Variants in B3GLCT observed in about 807,000 individuals in gnomAD.
B3GLCT encodes the protein beta-1,3-glucosyltransferase.
B3GLCT carries 65 observed loss-of-function variants against 63.4 expected under a neutral mutation model. The observed-to-expected ratio is 1.03, with a 90% CI of 0.84 to 1.26. B3GLCT has a LOEUF of 1.26. B3GLCT is among the 50% of genes most tolerant of loss of function. The pLI, the probability that B3GLCT is intolerant of heterozygous loss-of-function variation, is 0.00. For synonymous variants in B3GLCT, 233 were observed against 219.2 expected, an observed-to-expected ratio of 1.06 and a Z score of -0.55; for missense variants, 577 against 604.8, an observed-to-expected ratio of 0.95 and a Z score of 0.48.
intron 4 of B3GLCT, among the ~76,000 whole-genome samples, chr13:31,230,611 T>C (rs1870328414): frequency 3.9e-5 from 6 of 152,226 alleles, no homozygotes; most frequent in Admixed American, 3.3e-4. Context: ...GTTCTCTGGG[T>C]TGCTCTGCTT....
intron 12 of B3GLCT, among the ~76,000 whole-genome samples, chr13:31,315,143 C>T (rs1050433775): frequency 6.6e-6 from 1 of 152,140 alleles, no homozygotes; most frequent in Non-Finnish European, 1.5e-5. Context: ...TAATGCATTA[C>T]ATTGGTACCA....
chr13:31,207,750 A>G (rs1869034025), intron 1 of B3GLCT, among the ~76,000 whole-genome samples: 1 of 152,346 alleles, frequency 6.6e-6, no homozygotes, highest in South Asian at 2.1e-4. Context: ...TAGTAGGCTC[A>G]AAGCAGGAAT....
intron 13 of B3GLCT, 30 bp from the exon 14 acceptor site, chr13:31,323,721 A>G: frequency 3.1e-6 from 5 of 1,613,836 alleles, no homozygotes; most frequent in Non-Finnish European, 4.2e-6. Flanking sequence ...GAGCTTCTCT[A>G]ACCCCTTTCT....
chr13:31,305,394 G>T (rs1874372275), intron 12 of B3GLCT, among the ~76,000 whole-genome samples: 1 of 92,474 alleles, frequency 1.1e-5, no homozygotes, highest in African/African-American at 3.8e-5. Context: ...CCAGGAGCTG[G>T]TTTTTTGAAA....
intron 8 of B3GLCT, among the ~76,000 whole-genome samples, chr13:31,269,874 G>A (rs1872506033): frequency 6.6e-6 from 1 of 152,164 alleles, no homozygotes; most frequent in South Asian, 2.1e-4. Context: ...CCAGTCCCTT[G>A]ATCTTAGACT....
intron 10 of B3GLCT, among the ~76,000 whole-genome samples, chr13:31,281,746 C>G (rs890929728): frequency 6.6e-6 from 1 of 152,188 alleles, no homozygotes; most frequent in Non-Finnish European, 1.5e-5. Context: ...CACACTGAGA[C>G]AAAAGGGCCA....
intron 1 of B3GLCT, among the ~76,000 whole-genome samples, chr13:31,209,374 G>T (rs147398089): frequency 6.6e-6 from 1 of 152,336 alleles, no homozygotes; most frequent in African/African-American, 2.4e-5. Flanking sequence ...AAGGCCCCCT[G>T]GAGGACCTGG....
Position 31,323,831 on chromosome 13 carries a change from T to C in B3GLCT, c.1265T>C (p.Met422Thr), listed in dbSNP as rs1384316422. The change falls in exon 14 of 15, where the codon ATG (methionine) becomes ACG (threonine). Residue 422 changes from methionine to threonine, a missense_variant. Coordinates refer to ENST00000343307, the MANE Select transcript of B3GLCT (RefSeq NM_194318.4). Reference protein sequence around the residue: ...RCYSNDAPDDMVLGMCFSGLG... With the variant: ...RCYSNDAPDDTVLGMCFSGLG... ...TACAGCAATGATGCTCCCGATGATATGGTCCTGGGAATGTGCTTTAGTGGC... is the reference window on the plus strand; with the variant it reads ...TACAGCAATGATGCTCCCGATGATACGGTCCTGGGAATGTGCTTTAGTGGC... 5.0e-6 allele frequency: 8 copies of C among 1,614,178 alleles called. No homozygotes were observed. Among genetic ancestry groups the C allele is most frequent in the African/African-American group, 1.3e-5 (1 of 75,052 alleles).
chr13:31,200,223 G>T, intron 1 of B3GLCT, 69 bp downstream of exon 1: 2 of 1,024,378 alleles, frequency 2.0e-6, no homozygotes, highest in East Asian at 5.3e-5. Context: ...CCCGTGCCCC[G>T]GTCGGCGCGG....
At chr13:31,256,739 A>G (rs563971956) in intron 6 of B3GLCT, among the ~76,000 whole-genome samples, 1 of 152,328 alleles carries the variant, frequency 6.6e-6, no homozygotes, top group Admixed American at 6.5e-5. Flanking sequence ...ACATGGACAC[A>G]GGGAGGGGAA....
At chr13:31,263,842 A>G (rs1872163152) in intron 7 of B3GLCT, among the ~76,000 whole-genome samples, 1 of 152,094 alleles carries the variant, frequency 6.6e-6, no homozygotes, top group Non-Finnish European at 1.5e-5. Flanking sequence ...GTTTAACCAT[A>G]TTTAGGAGTG....
intron 4 of B3GLCT, among the ~76,000 whole-genome samples, chr13:31,239,214 G>C (rs754458636): frequency 6.6e-6 from 1 of 152,188 alleles, no homozygotes; most frequent in Non-Finnish European, 1.5e-5. Context: ...GGTGAGAGTG[G>C]GGATGTGGCT....
intron 14 of B3GLCT, among the ~76,000 whole-genome samples, chr13:31,329,112 A>C (rs1437574585): frequency 6.6e-6 from 1 of 152,156 alleles, no homozygotes; most frequent in Non-Finnish European, 1.5e-5. Flanking sequence ...AGCCCCCCAC[A>C]ACAAACTTAC....
intron 1 of B3GLCT, among the ~76,000 whole-genome samples, chr13:31,210,501 A>C (rs773027138): frequency 2.0e-5 from 3 of 152,156 alleles, no homozygotes; most frequent in Non-Finnish European, 4.4e-5. Flanking sequence ...TTTCTTTGTC[A>C]GTCACCAGCC....
intron 13 of B3GLCT, 27 bp downstream of exon 13, chr13:31,317,712 C>T (rs767678344): frequency 6.2e-7 from 1 of 1,613,450 alleles, no homozygotes. Context: ...CTTTCTTCAA[C>T]TACTTTAAAC....
chr13:31,316,653 T>G (rs1403218037), intron 12 of B3GLCT, among the ~76,000 whole-genome samples: 1 of 151,732 alleles, frequency 6.6e-6, no homozygotes, highest in Non-Finnish European at 1.5e-5. Flanking sequence ...AGTAACTAAC[T>G]TGCTTTTGAT....
At chr13:31,264,164 C>G (rs572188225) in intron 7 of B3GLCT, among the ~76,000 whole-genome samples, 69 of 152,224 alleles carry the variant, frequency 4.5e-4, no homozygotes, top group Non-Finnish European at 8.1e-4. Context: ...GACCCTGCCT[C>G]CTAATAACAT....
At chr13:31,226,009 C>T (rs1250822219) in intron 3 of B3GLCT, among the ~76,000 whole-genome samples, 2 of 152,222 alleles carry the variant, frequency 1.3e-5, no homozygotes, top group Admixed American at 6.5e-5. Flanking sequence ...TGGTCGTTCA[C>T]TCAGGGAGAC....
intron 1 of B3GLCT, among the ~76,000 whole-genome samples, chr13:31,206,695 C>T (rs1353667196): frequency 2.0e-5 from 3 of 150,390 alleles, no homozygotes; most frequent in African/African-American, 7.4e-5. Flanking sequence ...CAAGATCATG[C>T]CATTGCACTC....
Sources: gnomAD v4.1 joint callset for allele counts (sites outside exome capture counted in the v4.1 genomes callset) on GRCh38, gnomAD v4.1.1 for gene constraint, MANE v1.5 for transcripts, NCBI Gene and HGNC (gene_info 2026-07-23, HGNC 2026-07-21) for gene names.